Variants in CBLB observed in about 807,000 individuals in gnomAD.
CBLB encodes the protein Cbl proto-oncogene B, also known as E3 ubiquitin-protein ligase CBL-B.
Under a neutral mutation model 104.9 loss-of-function variants are expected in CBLB, and 31 were observed. The observed-to-expected ratio is 0.30, with a 90% CI of 0.22 to 0.40. The LOEUF is 0.40. Ranked by LOEUF, CBLB falls within the 10% of genes least tolerant of loss-of-function variation. The probability of loss-of-function intolerance (pLI) is 1.00; values close to 1 mark genes in which losing one functional copy is unlikely to be tolerated. For missense variants in CBLB, 1,062 were observed against 1,214.6 expected (o/e 0.87, Z 1.87); for synonymous variants, 440 against 422.6 (o/e 1.04, Z -0.51).
chr3:105,748,362 T>A (rs1334874998), intron 5 of CBLB, among the ~76,000 whole-genome samples: 1 of 152,190 alleles, frequency 6.6e-6, no homozygotes, highest in East Asian at 1.9e-4. Context: ...CTGAGGACTT[T>A]CCTCTTCTTT....
chr3:105,753,003 G>T (rs2076729461), intron 4 of CBLB, among the ~76,000 whole-genome samples: 1 of 152,154 alleles, frequency 6.6e-6, no homozygotes, highest in Non-Finnish European at 1.5e-5. Flanking sequence ...TGTCTCTGAA[G>T]ATCACACTTT....
At chr3:105,820,344 G>A (rs1432257944) in intron 3 of CBLB, among the ~76,000 whole-genome samples, 1 of 152,256 alleles carries the variant, frequency 6.6e-6, no homozygotes, top group East Asian at 1.9e-4. Context: ...TCCTGATATC[G>A]GTATCGGTCT....
In CBLB at chr3:105,656,936, A is replaced by T. The variant is rs1034479701; in HGVS notation, c.*2034T>A. 3 of 216,402 alleles carry T rather than the reference A, an allele frequency of 1.4e-5. No individual in the cohort carries two copies. Among genetic ancestry groups the T allele is most frequent in the African/African-American group, 2.3e-5 (1 of 44,406 alleles). The allele number at this position is 216,402 out of a possible 1,614,324, so 13.4% of individuals were successfully genotyped here. ...TCATAATGACAAAACAGGGGTTCAT[A>T]AAGCAAAAGAAAATTTGCCAATGCA... On this transcript the variant is annotated 3_prime_UTR_variant, in exon 19 of 19. Coordinates refer to ENST00000394030, the MANE Select transcript of CBLB (RefSeq NM_170662.5).
chr3:105,748,267 A>G (rs1169324406), intron 5 of CBLB, among the ~76,000 whole-genome samples: 5 of 152,202 alleles, frequency 3.3e-5, no homozygotes, highest in African/African-American at 1.2e-4. Flanking sequence ...ATTTTCAAGA[A>G]GAGCCAGTTA....
chr3:105,853,770 T>C (rs2091252388), intron 2 of CBLB, 106 bp from the exon 3 acceptor site: 1 of 763,464 alleles, frequency 1.3e-6, no homozygotes, highest in African/African-American at 1.8e-5. Flanking sequence ...ATAATATAAA[T>C]AATGATCTTA....
At chr3:105,699,191 G>A (rs957707875) in intron 12 of CBLB, among the ~76,000 whole-genome samples, 2 of 152,034 alleles carry the variant, frequency 1.3e-5, no homozygotes, top group Middle Eastern at 3.2e-3. Flanking sequence ...CATTCATTAG[G>A]AACTACGTTA....
intron 3 of CBLB, among the ~76,000 whole-genome samples, chr3:105,818,740 C>T (rs1249860910): frequency 2.6e-5 from 4 of 152,060 alleles, no homozygotes; most frequent in Non-Finnish European, 5.9e-5. Context: ...GAAAAGCATA[C>T]AGATGTTCAG....
intron 14 of CBLB, 74 bp downstream of exon 14, chr3:105,685,246 T>C (rs767168187): frequency 1.0e-5 from 13 of 1,270,336 alleles, no homozygotes; most frequent in Admixed American, 1.7e-5. Context: ...CGTGAATCAA[T>C]TGTTTAAAAA....
chr3:105,833,388 G>C (rs1195531193), intron 3 of CBLB, among the ~76,000 whole-genome samples: 2 of 152,134 alleles, frequency 1.3e-5, no homozygotes, highest in Non-Finnish European at 2.9e-5. Context: ...ATCTCTCTCT[G>C]AGACAGACAG....
Position 105,737,163 on chromosome 3 carries a change from A to G in CBLB, c.1071+8T>C. On this transcript the variant is annotated splice_region_variant and intron_variant, in intron 8 of 18. Transcript: ENST00000394030. ...ATTTAATTATACTTTTCTAGCAATT[A>G]TCCTTACCTGTGTAACTTTTATATG... 6.9e-7 allele frequency: 1 copy of G among 1,456,912 alleles called. No individual in the cohort carries two copies. Among genetic ancestry groups the G allele is most frequent in the Non-Finnish European group, 9.6e-7 (1 of 1,042,066 alleles). The allele number at this position is 1,456,912 out of a possible 1,614,324, so 90.2% of individuals were successfully genotyped here.
At position 105,853,534 on chromosome 3, in the gene CBLB, T is replaced by C; in HGVS notation, c.299A>G (p.Gln100Arg). 1.2e-6 allele frequency: 2 copies of C among 1,613,746 alleles called. No homozygotes were observed. The highest frequency in any genetic ancestry group is 1.7e-6 in the Non-Finnish European group (2 of 1,179,792). ...TTTAAAGTACTCATTCTCACTGAGTTGGGCAAGTTTCTGGTTGTCATCATA... is the reference window on the plus strand; with the variant it reads ...TTTAAAGTACTCATTCTCACTGAGTCGGGCAAGTTTCTGGTTGTCATCATA... Reference protein sequence around the residue: ...SKYDDNQKLAQLSENEYFKIY... With the variant: ...SKYDDNQKLARLSENEYFKIY... Residue 100 changes from glutamine to arginine, a missense_variant, in exon 3 of 19, where the codon CAA becomes CGA. Gln to Arg is a conservative substitution (Grantham distance 43, BLOSUM62 1). This residue lies in a region of CBLB where 457 missense variants were observed against 632.0 expected (regional missense o/e 0.72). Coordinates refer to ENST00000394030, the MANE Select transcript of CBLB (RefSeq NM_170662.5).
intron 3 of CBLB, among the ~76,000 whole-genome samples, chr3:105,792,892 G>T (rs2081852421): frequency 6.6e-6 from 1 of 152,102 alleles, no homozygotes; most frequent in Admixed American, 6.5e-5. Flanking sequence ...AGGAAAGGAG[G>T]AAACAAATTT....
At chr3:105,747,517 C>T (rs959992596) in intron 5 of CBLB, among the ~76,000 whole-genome samples, 23 of 152,140 alleles carry the variant, frequency 1.5e-4, no homozygotes, top group Admixed American at 7.9e-4. Flanking sequence ...TGGGGTATTT[C>T]CCCATCACAC....
At chr3:105,665,442 T>TACACACAC (rs1159402124) in intron 18 of CBLB, among the ~76,000 whole-genome samples, 31 of 67,218 alleles carry the variant, frequency 4.6e-4, no homozygotes, top group African/African-American at 1.5e-3. Context: ...TATATATATA[T>TACACACAC]ACACACACAC....
chr3:105,696,676 T>A lies in CBLB; in HGVS notation c.1960-3088A>T, dbSNP rs140197490. ...GCATTGGAAATGCTACCAATTTAAA[T>A]CTTCTAAATTCCCAATTCTGTTTCT... is the stretch of plus-strand genomic sequence containing the variant. On this transcript the variant is annotated intron_variant, in intron 12 of 18. Transcript: ENST00000394030. Among the ~76,000 whole-genome samples the A allele has an allele frequency of 1.6e-3, 242 of 152,016 alleles. 1 individual carries two copies. The highest frequency in any genetic ancestry group is 5.6e-3 in the African/African-American group (232 of 41,544).
intron 4 of CBLB, among the ~76,000 whole-genome samples, chr3:105,770,550 A>G (rs1389909708): frequency 1.3e-5 from 2 of 152,164 alleles, no homozygotes; most frequent in African/African-American, 2.4e-5. Flanking sequence ...GAACCTCCCA[A>G]CTGAATTTTG....
intron 3 of CBLB, among the ~76,000 whole-genome samples, chr3:105,783,821 T>C (rs758805604): frequency 1.4e-4 from 22 of 152,320 alleles, no homozygotes; most frequent in Middle Eastern, 3.4e-3. Context: ...AGGCCAGGAA[T>C]TGGACAGTTT....
chr3:105,715,805 G>A (rs2071770208), intron 10 of CBLB, among the ~76,000 whole-genome samples: 1 of 152,188 alleles, frequency 6.6e-6, no homozygotes, highest in Non-Finnish European at 1.5e-5. Context: ...TTGGGAGGCT[G>A]AGGCGGCTGG....
At chr3:105,860,973 A>C (rs922588893) in intron 2 of CBLB, among the ~76,000 whole-genome samples, 42 of 152,164 alleles carry the variant, frequency 2.8e-4, no homozygotes, top group Non-Finnish European at 5.4e-4. Flanking sequence ...AACAGGTAGA[A>C]TATTATAACT....
Sources: allele counts gnomAD v4.1 joint callset (sites outside exome capture counted in the v4.1 genomes callset), GRCh38; gene constraint gnomAD v4.1.1; regional missense constraint gnomAD v4.1.1; transcripts MANE v1.5; gene names NCBI Gene and HGNC (gene_info 2026-07-23, HGNC 2026-07-21).